The following MTCH2 variants were observed in gnomAD, a reference collection of about 807,000 sequenced individuals.
MTCH2 encodes mitochondrial carrier 2.
MTCH2 carries 25 observed loss-of-function variants against 50.6 expected under a neutral mutation model. The ratio of observed to expected loss-of-function variants is 0.49; its 90% CI spans 0.36 to 0.69. MTCH2 has a LOEUF of 0.69. MTCH2 is among the 30% of genes least tolerant of loss of function. MTCH2 has a pLI of 0.00. For missense variants in MTCH2, 273 were observed against 384.4 expected (o/e 0.71, Z 2.42); for synonymous variants, 106 against 132.0 (o/e 0.80, Z 1.35).
chr11:47,636,017 C>G (rs2097308240), intron 3 of MTCH2, among the ~76,000 whole-genome samples: 1 of 151,680 alleles, frequency 6.6e-6, no homozygotes, highest in Admixed American at 6.6e-5. Context: ...AATCCCAGCT[C>G]TTAGGGAGGC....
At position 47,642,420 on chromosome 11, in the gene MTCH2, T is replaced by G. The variant is rs745454467; in HGVS notation, c.46A>C (p.Ile16Leu). The G allele has an allele frequency of 1.4e-5, 23 of 1,609,452 alleles. No homozygotes were observed. Among genetic ancestry groups the G allele is most frequent in the Middle Eastern group, 3.3e-4 (2 of 6,078 alleles). The change falls in exon 1 of 13, where the codon ATC (isoleucine) becomes CTC (leucine). Residue 16 changes from isoleucine to leucine, a missense_variant. Physicochemically the swap from Ile to Leu is conservative, Grantham distance 5. Around this residue, in one of 2 missense-constraint regions of MTCH2, gnomAD observed 203 missense variants for 244.3 expected, o/e 0.83. Coordinates refer to ENST00000302503, the MANE Select transcript of MTCH2 (RefSeq NM_014342.4). ...ACGTACATGAGCGGCTGGGACAGGA[T>G]GGTGAGACCGGAGCCCAGGAGCACC... The part of the protein sequence containing the change: ...SQVLLGSGLT[I>L]LSQPLMYVKV...
chr11:47,608,089 A>G, the MTCH2 span, among the ~76,000 whole-genome samples: 3 of 152,212 alleles, frequency 2.0e-5, no homozygotes, highest in African/African-American at 7.2e-5. Flanking sequence ...TCTTGGGCAA[A>G]TCAATGAACC....
Position 47,634,692 on chromosome 11 carries a change from AG to A in MTCH2, c.348del (p.Phe117LeufsTer12). On this transcript the variant is annotated frameshift_variant, in exon 5 of 13. Transcript: ENST00000302503. LOFTEE classifies it high-confidence loss of function. ...PGNVQKEVSS[S>X]FDHVIKETTR... ...CTTACCTCCTTGATAACGTGGTCAAAGGAAGATGAGACTTCTTTCTGTACAT... is the reference window on the plus strand; with the variant it reads ...CTTACCTCCTTGATAACGTGGTCAAAGAAGATGAGACTTCTTTCTGTACAT... 1 of 1,611,294 alleles carries A rather than the reference AG, an allele frequency of 6.2e-7. No homozygotes were observed. The highest frequency in any genetic ancestry group is 8.5e-7 in the Non-Finnish European group (1 of 1,178,064).
At chr11:47,617,175 T>C (rs1396840556), downstream of MTCH2, 1 of 152,142 alleles carries the variant, frequency 6.6e-6, no homozygotes, top group Non-Finnish European at 1.5e-5. Context: ...CTTGGAGAAA[T>C]TTCTCAGCCA....
intron 3 of MTCH2, among the ~76,000 whole-genome samples, chr11:47,636,080 A>C (rs1464827400): frequency 6.6e-6 from 1 of 151,902 alleles, no homozygotes; most frequent in Non-Finnish European, 1.5e-5. Context: ...GTGAGCCAAG[A>C]TCACGCCACT....
At chr11:47,624,793 A>G (rs1019220008) in intron 11 of MTCH2, among the ~76,000 whole-genome samples, 1 of 152,196 alleles carries the variant, frequency 6.6e-6, no homozygotes, top group African/African-American at 2.4e-5. Context: ...AAAATTAAAA[A>G]TAAATAAAAA....
At chr11:47,640,992 G>A (rs1327500146) in intron 1 of MTCH2, among the ~76,000 whole-genome samples, 2 of 151,894 alleles carry the variant, frequency 1.3e-5, no homozygotes, top group African/African-American at 2.4e-5. Context: ...CACCTCCCGG[G>A]TTCAAGCGAT....
chr11:47,608,697 G>A, the MTCH2 span, among the ~76,000 whole-genome samples: 2 of 152,132 alleles, frequency 1.3e-5, no homozygotes, highest in African/African-American at 4.8e-5. Flanking sequence ...GGTGGCTCAT[G>A]CCTGTAATCC....
At chr11:47,612,087 C>T in the MTCH2 span, among the ~76,000 whole-genome samples, 1 of 152,098 alleles carries the variant, frequency 6.6e-6, no homozygotes, top group African/African-American at 2.4e-5. Flanking sequence ...GAAAATTAAT[C>T]CTCATTCTTA....
intron 4 of MTCH2, 78 bp from the exon 5 acceptor site, chr11:47,634,812 G>A (rs1055250503): frequency 2.7e-5 from 27 of 1,001,460 alleles, no homozygotes; most frequent in Non-Finnish European, 3.2e-5. Flanking sequence ...TCGCTCTGTC[G>A]CCCAGGCTGG....
Position 47,627,101 on chromosome 11 carries a change from A to G in MTCH2, c.660T>C (p.Ser220=). The G allele has an allele frequency of 6.2e-7, 1 of 1,602,884 alleles. No homozygotes were observed. Among genetic ancestry groups the G allele is most frequent in the Non-Finnish European group, 8.5e-7 (1 of 1,172,364 alleles). Reference sequence around the variant, plus strand: ...TCACTCCTGTGACAGCTTGAGAATAACTCTTCATTTCATTCATGGTAGAAA... The same window carrying G: ...TCACTCCTGTGACAGCTTGAGAATAGCTCTTCATTTCATTCATGGTAGAAA... ...SGVSTMNEMK[S]YSQAVTGFFA... Residue 220 remains serine (S), a synonymous_variant, in exon 10 of 13, where the codon AGT becomes AGC. Coordinates refer to ENST00000302503, the MANE Select transcript of MTCH2 (RefSeq NM_014342.4).
intron 5 of MTCH2, among the ~76,000 whole-genome samples, chr11:47,632,868 T>A (rs2097304458): frequency 6.6e-6 from 1 of 150,922 alleles, no homozygotes; most frequent in African/African-American, 2.4e-5. Context: ...CCAGTTAATT[T>A]TTTTTGTATT....
chr11:47,607,229 AC>A, the MTCH2 span, among the ~76,000 whole-genome samples: 1 of 152,204 alleles, frequency 6.6e-6, no homozygotes, highest in South Asian at 2.1e-4. Context: ...ATATGTATGT[AC>A]CTGTGCATGG....
chr11:47,626,277 C>G (rs2097298099), intron 10 of MTCH2, among the ~76,000 whole-genome samples: 1 of 151,798 alleles, frequency 6.6e-6, no homozygotes, highest in Admixed American at 6.6e-5. Context: ...AACTCCCGAC[C>G]TCAGCCTCCC....
intron 9 of MTCH2, 59 bp downstream of exon 9, chr11:47,628,894 C>A (rs946927575): frequency 2.7e-6 from 4 of 1,478,018 alleles, no homozygotes; most frequent in Non-Finnish European, 3.8e-6. Context: ...ACTTTAAAAG[C>A]TAATCTAGCT....
intron 11 of MTCH2, 31 bp from the exon 12 acceptor site, chr11:47,622,807 T>C (rs1340260900): frequency 1.9e-6 from 2 of 1,057,460 alleles, no homozygotes; most frequent in South Asian, 3.4e-5. Context: ...GAGCTATTCA[T>C]GTTAATATTA....
chr11:47,611,803 CA>C, the MTCH2 span, among the ~76,000 whole-genome samples: 1 of 152,184 alleles, frequency 6.6e-6, no homozygotes, highest in African/African-American at 2.4e-5. Flanking sequence ...TTCAGAGTTG[CA>C]ATAAGATGAT....
chr11:47,636,628 A>C (rs1477888381), intron 3 of MTCH2, among the ~76,000 whole-genome samples: 1 of 151,932 alleles, frequency 6.6e-6, no homozygotes, highest in East Asian at 1.9e-4. Flanking sequence ...GCTACGTGGG[A>C]AGCTGGGGCA....
In MTCH2 at chr11:47,635,684, T is replaced by C. The variant is rs560897656; in HGVS notation, c.280-113A>G. 106 of 1,004,724 alleles carry C rather than the reference T, an allele frequency of 1.1e-4. No individual in the cohort carries two copies. The East Asian group carries it at 2.7e-3, about 26-fold the overall frequency. The allele number at this position is 1,004,724 out of a possible 1,614,324, so 62.2% of individuals were successfully genotyped here. ...AAATTAGCTGAAGTTTTTTTTAAAGTTTTTGTTTTTTTTTTTAAGCTGCAA... is the reference window on the plus strand; with the variant it reads ...AAATTAGCTGAAGTTTTTTTTAAAGCTTTTGTTTTTTTTTTTAAGCTGCAA... On this transcript the variant is annotated intron_variant, in intron 3 of 12. Transcript: ENST00000302503.
Sources: gnomAD v4.1 joint callset for allele counts (sites outside exome capture counted in the v4.1 genomes callset) on GRCh38, gnomAD v4.1.1 for gene constraint, gnomAD v4.1.1 regional missense constraint, MANE v1.5 for transcripts, NCBI Gene and HGNC (gene_info 2026-07-23, HGNC 2026-07-21) for gene names.